BBS9: variants seen among roughly 807,000 people sequenced by gnomAD.
BBS9 encodes the protein Bardet-Biedl syndrome 9.
In BBS9, 89 loss-of-function variants were observed where a neutral mutation model predicts 117.7. The ratio of observed to expected loss-of-function variants is 0.76; its 90% CI spans 0.64 to 0.90. The LOEUF is 0.90. BBS9 is among the 40% of genes least tolerant of loss of function. The pLI is 0.00. For missense variants in BBS9, 982 were observed against 1,042.2 expected (o/e 0.94, Z 0.80); for synonymous variants, 379 against 370.9 (o/e 1.02, Z -0.25).
At chr7:33,611,400 G>T (rs1011762676) in intron 21 of BBS9, among the ~76,000 whole-genome samples, 8 of 147,416 alleles carry the variant, frequency 5.4e-5, no homozygotes, top group Admixed American at 3.5e-4. Flanking sequence ...TGAAATTTAG[G>T]TCTGTAATAT....
At chr7:33,231,206 G>A (rs1179877826) in intron 5 of BBS9, among the ~76,000 whole-genome samples, 4 of 151,586 alleles carry the variant, frequency 2.6e-5, no homozygotes, top group Non-Finnish European at 5.9e-5. Flanking sequence ...GTCTCACTAT[G>A]TTGCCCAGGT....
chr7:33,552,874 A>T, intron 21 of BBS9, among the ~76,000 whole-genome samples: 1 of 152,144 alleles, frequency 6.6e-6, no homozygotes, highest in Non-Finnish European at 1.5e-5. Flanking sequence ...TAGACTTGTT[A>T]CCGTGGCCTG....
Position 33,319,015 on chromosome 7 carries a change from T to G in BBS9, c.1017-17426T>G, listed in dbSNP as rs370482602. 1.6e-4 allele frequency among the ~76,000 whole-genome samples: 25 copies of G among 152,034 alleles called. 2 individuals are homozygous for G. The highest frequency in any genetic ancestry group is 1.2e-3 in the East Asian group (6 of 5,186). Reference sequence around the variant, plus strand: ...CCGTCTCTACTAAAAATACAAAAGTTAGCTGGGTATGGTGGTGGGCACCTG... The same window carrying G: ...CCGTCTCTACTAAAAATACAAAAGTGAGCTGGGTATGGTGGTGGGCACCTG... On this transcript the variant is annotated intron_variant, in intron 9 of 22. Coordinates refer to ENST00000242067, the MANE Select transcript of BBS9 (RefSeq NM_198428.3).
chr7:33,309,572 A>T (rs1391507754), intron 9 of BBS9, among the ~76,000 whole-genome samples: 1 of 152,208 alleles, frequency 6.6e-6, no homozygotes, highest in Non-Finnish European at 1.5e-5. Context: ...AATTATAGTG[A>T]TATTATAAGA....
chr7:33,296,670 A>G (rs1242194227), intron 9 of BBS9, among the ~76,000 whole-genome samples: 1 of 152,092 alleles, frequency 6.6e-6, no homozygotes, highest in Admixed American at 6.5e-5. Flanking sequence ...TTTCTCTTCT[A>G]CTGACCAACC....
At chr7:33,278,084 T>C (rs545745416) in intron 9 of BBS9, among the ~76,000 whole-genome samples, 47 of 152,286 alleles carry the variant, frequency 3.1e-4, no homozygotes, top group African/African-American at 1.0e-3. Context: ...TTAAGGGAGC[T>C]TGAAGGTTAG....
chr7:33,176,215 C>T (rs1435566346), intron 4 of BBS9, among the ~76,000 whole-genome samples: 1 of 152,070 alleles, frequency 6.6e-6, no homozygotes, highest in African/African-American at 2.4e-5. Context: ...TTTGAGGTGT[C>T]ATATTCTGGT....
intron 21 of BBS9, among the ~76,000 whole-genome samples, chr7:33,552,022 G>A (rs1395993815): frequency 2.0e-5 from 3 of 152,040 alleles, no homozygotes; most frequent in African/African-American, 7.2e-5. Context: ...TAGAAAAGAA[G>A]CCAAAGCAAT....
At chr7:33,442,567 G>A (rs1349939011) in intron 19 of BBS9, among the ~76,000 whole-genome samples, 2 of 152,286 alleles carry the variant, frequency 1.3e-5, no homozygotes, top group African/African-American at 2.4e-5. Flanking sequence ...GTAAGCTAAA[G>A]TTTTACAATT....
chr7:33,197,661 GT>G (rs1245013131), intron 5 of BBS9, among the ~76,000 whole-genome samples: 1 of 151,658 alleles, frequency 6.6e-6, no homozygotes, highest in Admixed American at 6.6e-5. Flanking sequence ...ATTTAAGGAG[GT>G]TTTTTTGATG....
chr7:33,215,116 C>T (rs1399922554), intron 5 of BBS9, among the ~76,000 whole-genome samples: 2 of 152,170 alleles, frequency 1.3e-5, no homozygotes, highest in African/African-American at 4.8e-5. Flanking sequence ...GGTGTGAACC[C>T]GAGAGGCAGA....
At chr7:33,263,422 A>C (rs1798291918) in intron 6 of BBS9, among the ~76,000 whole-genome samples, 1 of 152,150 alleles carries the variant, frequency 6.6e-6, no homozygotes, top group Non-Finnish European at 1.5e-5. Context: ...TAGTTGCTTT[A>C]TGTACAGTAG....
intron 21 of BBS9, among the ~76,000 whole-genome samples, chr7:33,596,705 G>C (rs1205206250): frequency 3.9e-4 from 59 of 151,794 alleles, no homozygotes; most frequent in Non-Finnish European, 2.9e-5. Context: ...TTACTATTTT[G>C]TCATTTACAC....
chr7:33,449,293 G>A (rs962729771), intron 19 of BBS9, among the ~76,000 whole-genome samples: 8 of 152,126 alleles, frequency 5.3e-5, no homozygotes, highest in Admixed American at 1.3e-4. Flanking sequence ...AGTAAAGGAG[G>A]GGGTACGTGA....
At chr7:33,300,750 C>G (rs1213007069) in intron 9 of BBS9, among the ~76,000 whole-genome samples, 2 of 151,918 alleles carry the variant, frequency 1.3e-5, no homozygotes, top group Non-Finnish European at 2.9e-5. Context: ...ATATTTTAAC[C>G]TTCCTCCTTA....
chr7:33,200,526 A>G (rs1430390224), intron 5 of BBS9, among the ~76,000 whole-genome samples: 2 of 152,200 alleles, frequency 1.3e-5, no homozygotes, highest in Non-Finnish European at 2.9e-5. Flanking sequence ...TATGAATCCA[A>G]TGTCCTGTGC....
At position 33,406,359 on chromosome 7, in the gene BBS9, T is replaced by C. The variant is rs75100266; in HGVS notation, c.2115+18215T>C. 0.02 allele frequency among the ~76,000 whole-genome samples: 2,996 copies of C among 152,294 alleles called. 200 individuals are homozygous for C. In the East Asian group the frequency reaches 0.26, roughly 13 times the overall value. On this transcript the variant is annotated intron_variant, in intron 19 of 22. Coordinates refer to ENST00000242067, the MANE Select transcript of BBS9 (RefSeq NM_198428.3). ...GAGTTCTGTAGATGTCTATTAGGTC[T>C]GCTTGGTGCAGAGCTGAGGTCTTTA...
At chr7:33,532,515 G>A (rs767291362) in intron 20 of BBS9, among the ~76,000 whole-genome samples, 1 of 152,140 alleles carries the variant, frequency 6.6e-6, no homozygotes, top group Non-Finnish European at 1.5e-5. Context: ...GCAGGAGAGA[G>A]AATGAGTGCC....
chr7:33,384,790 A>G (rs1024877361), intron 18 of BBS9, among the ~76,000 whole-genome samples: 1 of 152,072 alleles, frequency 6.6e-6, no homozygotes, highest in Admixed American at 6.6e-5. Context: ...TTCTAAGAGC[A>G]TTGACTTTCA....
Sources: allele counts gnomAD v4.1 joint callset (sites outside exome capture counted in the v4.1 genomes callset), GRCh38; gene constraint gnomAD v4.1.1; transcripts MANE v1.5; gene names NCBI Gene and HGNC (gene_info 2026-07-23, HGNC 2026-07-21).